The following GPR20 variants were observed in gnomAD, a reference collection of about 807,000 sequenced individuals.
GPR20 encodes the protein G protein-coupled receptor 20.
For missense variants in GPR20, 494 were observed against 527.4 expected, an observed-to-expected ratio of 0.94 and a Z score of 0.62; for synonymous variants, 241 against 241.9, an observed-to-expected ratio of 1.00 and a Z score of 0.04.
chr8:141,364,762 C>T lies in GPR20; in HGVS notation c.-25+2439G>A, dbSNP rs151217901. ...CATGTCACCTGCCAGCCCCTCCCTG[C>T]CTCCCCATCATTGGGTTCATTGCTC... On this transcript the variant is annotated intron_variant, in intron 1 of 1. Transcript: ENST00000377741. Among the ~76,000 whole-genome samples, 28 of 151,320 alleles carry T rather than the reference C, an allele frequency of 1.9e-4. 1 individual carries two copies. In the East Asian group the frequency reaches 4.2e-3, roughly 23 times the overall value.
intron 1 of GPR20, among the ~76,000 whole-genome samples, chr8:141,358,911 G>A (rs1361905786): frequency 6.6e-6 from 1 of 150,506 alleles, no homozygotes; most frequent in Non-Finnish European, 1.5e-5. Flanking sequence ...GGGGGGCCAG[G>A]GTGGGGGGCG....
At chr8:141,359,809 C>A (rs1300530682) in intron 1 of GPR20, among the ~76,000 whole-genome samples, 2 of 152,186 alleles carry the variant, frequency 1.3e-5, no homozygotes, top group Non-Finnish European at 1.5e-5. Context: ...GCGTCCCTCC[C>A]CTGCTGTGGA....
At chr8:141,361,048 G>C (rs1020930787) in intron 1 of GPR20, among the ~76,000 whole-genome samples, 3 of 152,216 alleles carry the variant, frequency 2.0e-5, no homozygotes, top group African/African-American at 7.2e-5. Flanking sequence ...TTCCTGGCAG[G>C]CACCCTGGGT....
chr8:141,359,111 A>AG (rs33942592), intron 1 of GPR20, among the ~76,000 whole-genome samples: 63,065 of 152,014 alleles, frequency 0.41, 18,345 homozygotes, highest in African/African-American at 0.83. Flanking sequence ...CTTTGGGGCC[A>AG]GCAGGGTGGG....
At position 141,356,889 on chromosome 8, in the gene GPR20, A is replaced by G; in HGVS notation, c.1035T>C (p.Pro345=). 3.1e-6 allele frequency: 5 copies of G among 1,608,844 alleles called. No individual in the cohort carries two copies. Among genetic ancestry groups the G allele is most frequent in the Non-Finnish European group, 4.2e-6 (5 of 1,177,136 alleles). The change falls in exon 2 of 2, where the codon CCT becomes CCC. Residue 345 remains proline (P), a synonymous_variant. Transcript: ENST00000377741. ...SGRHHILSAG[P]HALTQALANG... ...TAGCCAGGGCCTGGGTGAGGGCGTG[A>G]GGGCCGGCACTGAGGATGTGATGAC...
intron 1 of GPR20, among the ~76,000 whole-genome samples, chr8:141,359,687 G>A (rs1310740846): frequency 1.3e-5 from 2 of 152,222 alleles, no homozygotes. Flanking sequence ...CGGGATTTGG[G>A]GGCACAGCAG....
chr8:141,364,616 C>T (rs940822228), intron 1 of GPR20, among the ~76,000 whole-genome samples: 1 of 152,232 alleles, frequency 6.6e-6, no homozygotes, highest in Admixed American at 6.5e-5. Flanking sequence ...GGAAGGACAC[C>T]TGGGCCCCAT....
chr8:141,360,058 A>G (rs1240666523), intron 1 of GPR20, among the ~76,000 whole-genome samples: 1 of 152,128 alleles, frequency 6.6e-6, no homozygotes, highest in Non-Finnish European at 1.5e-5. Context: ...AAAACTCCCC[A>G]GGGCCAGCCC....
At chr8:141,361,651 G>T (rs1380408880) in intron 1 of GPR20, among the ~76,000 whole-genome samples, 1 of 152,206 alleles carries the variant, frequency 6.6e-6, no homozygotes, top group Non-Finnish European at 1.5e-5. Flanking sequence ...CGCCAGCCTG[G>T]AGGGAGGGCT....
intron 1 of GPR20, among the ~76,000 whole-genome samples, chr8:141,361,936 G>C (rs1831740737): frequency 6.6e-6 from 1 of 152,166 alleles, no homozygotes; most frequent in Non-Finnish European, 1.5e-5. Context: ...TCCTCCAGGG[G>C]AGGGGGCAGA....
rs141575090 is a variant in GPR20, at chr8:141,357,839, C to T, written c.85G>A (p.Gly29Arg). ...AGGTGGAACAGGGGCACCTCCAGCCCGCTGGCATTGGTCCGCACTGTTGTC... is the reference window on the plus strand; with the variant it reads ...AGGTGGAACAGGGGCACCTCCAGCCTGCTGGCATTGGTCCGCACTGTTGTC... Reference protein sequence around the residue: ...AVTTVRTNASGLEVPLFHLFA... With the variant: ...AVTTVRTNASRLEVPLFHLFA... The change falls in exon 2 of 2, where the codon GGG becomes AGG. Residue 29 changes from glycine (G) to arginine (R), a missense_variant. Gly to Arg is a moderately radical substitution (Grantham distance 125, BLOSUM62 -2). Coordinates refer to ENST00000377741, the MANE Select transcript of GPR20 (RefSeq NM_005293.3). 149 of 1,612,934 alleles carry T rather than the reference C, an allele frequency of 9.2e-5. No homozygotes were observed. The highest frequency in any genetic ancestry group is 3.9e-4 in the African/African-American group (29 of 74,928).
At position 141,363,820 on chromosome 8, in the gene GPR20, C is replaced by A. The variant is rs533128359; in HGVS notation, c.-25+3381G>T. ...TCCTGCCACATGTGAGACCAGGCAG[C>A]AGAGTGGCCCCGGCCCCAGGGCAGC... On this transcript the variant is annotated intron_variant, in intron 1 of 1. Coordinates refer to ENST00000377741, the MANE Select transcript of GPR20 (RefSeq NM_005293.3). 2.6e-5 allele frequency among the ~76,000 whole-genome samples: 4 copies of A among 152,370 alleles called. No individual in the cohort carries two copies. The South Asian group carries it at 8.3e-4, about 32-fold the overall frequency.
Position 141,356,533 on chromosome 8 carries a change from T to C in GPR20, c.*314A>G. The C allele has an allele frequency of 2.6e-6, 1 of 379,506 alleles. No individual in the cohort carries two copies. Among genetic ancestry groups the C allele is most frequent in the East Asian group, 3.9e-5 (1 of 25,816 alleles). The allele number at this position is 379,506 out of a possible 1,614,324, so 23.5% of individuals were successfully genotyped here. On this transcript the variant is annotated 3_prime_UTR_variant, in exon 2 of 2. Transcript: ENST00000377741. Reference sequence around the variant, plus strand: ...ATGGAATCCACTGTGCCCTTTTTTCTGAGGAACTCCTTCTGGAGACAAACT... The same window carrying C: ...ATGGAATCCACTGTGCCCTTTTTTCCGAGGAACTCCTTCTGGAGACAAACT...
In GPR20 at chr8:141,357,150, G is replaced by A. The variant is rs368916220; in HGVS notation, c.774C>T (p.His258=). ...IIFLVCFTPF[H]ARQVAVALWP... ...ACAGCGCCACGGCCACTTGGCGGGC[G>A]TGGAAGGGCGTGAAGCAGACGAGAA... Residue 258 remains histidine (H), a synonymous_variant, in exon 2 of 2, where the codon CAC becomes CAT. Transcript: ENST00000377741. 8.1e-6 allele frequency: 13 copies of A among 1,609,420 alleles called. 1 individual carries two copies. Among genetic ancestry groups the A allele is most frequent in the African/African-American group, 2.7e-5 (2 of 74,948 alleles).
At chr8:141,360,213 C>T (rs994722950) in intron 1 of GPR20, among the ~76,000 whole-genome samples, 8 of 152,208 alleles carry the variant, frequency 5.3e-5, no homozygotes, top group African/African-American at 1.9e-4. Flanking sequence ...GCAAAGCATG[C>T]TCTGATTCCC....
rs201855453 is a variant in GPR20 at position 141,356,978 on chromosome 8, C to T, written c.946G>A (p.Gly316Arg). 199 of 1,613,056 alleles carry T rather than the reference C, an allele frequency of 1.2e-4. No homozygotes were observed. The highest frequency in any genetic ancestry group is 1.2e-3 in the Admixed American group (71 of 60,012). The change falls in exon 2 of 2, where the codon GGA becomes AGA. Residue 316 changes from glycine to arginine, a missense_variant. Coordinates refer to ENST00000377741, the MANE Select transcript of GPR20 (RefSeq NM_005293.3). The stretch of plus-strand genomic sequence containing the variant: ...TCACCGCTGCTGGGCTCACGCTCTC[C>T]GTGCTGGCCGAAGAGGCCTCGGACG... The part of the protein sequence containing the change: ...ATVRGLFGQH[G>R]EREPSSGDVV...
At chr8:141,364,934 C>T (rs1420277883) in intron 1 of GPR20, among the ~76,000 whole-genome samples, 4 of 152,216 alleles carry the variant, frequency 2.6e-5, no homozygotes, top group African/African-American at 4.8e-5. Context: ...TGAAACCCCT[C>T]CCCAACCTCA....
chr8:141,359,990 T>C (rs1336745367), intron 1 of GPR20, among the ~76,000 whole-genome samples: 1 of 152,170 alleles, frequency 6.6e-6, no homozygotes, highest in African/African-American at 2.4e-5. Flanking sequence ...ACACAGAACG[T>C]TTCCTGTGGG....
chr8:141,359,181 G>A (rs1300144359), intron 1 of GPR20, among the ~76,000 whole-genome samples: 1 of 152,052 alleles, frequency 6.6e-6, no homozygotes, highest in African/African-American at 2.4e-5. Flanking sequence ...GAGAAGGGAG[G>A]ACACTTACCC....
Sources: gnomAD v4.1 joint callset for allele counts (sites outside exome capture counted in the v4.1 genomes callset) on GRCh38, gnomAD v4.1.1 for gene constraint, MANE v1.5 for transcripts, NCBI Gene and HGNC (gene_info 2026-07-23, HGNC 2026-07-21) for gene names.